The following TMEM132B variants were observed in gnomAD, a reference collection of about 807,000 sequenced individuals.
TMEM132B encodes the protein transmembrane protein 132B.
TMEM132B carries 18 observed loss-of-function variants against 90.8 expected under a neutral mutation model. The observed-to-expected ratio is 0.20, with a 90% confidence interval of 0.14 to 0.29. The LOEUF is 0.29. Ranked by LOEUF, TMEM132B falls within the 10% of genes least tolerant of loss-of-function variation. The probability of loss-of-function intolerance (pLI) is 1.00; values close to 1 mark genes in which losing one functional copy is unlikely to be tolerated. For synonymous variants in TMEM132B, 504 were observed against 523.3 expected (o/e 0.96, Z 0.50); for missense variants, 1,096 against 1,326.8 (o/e 0.83, Z 2.70).
chr12:125,285,270 G>A (rs1459827004), intron 1 of TMEM132B, among the ~76,000 whole-genome samples: 2 of 152,228 alleles, frequency 1.3e-5, no homozygotes, highest in Non-Finnish European at 2.9e-5. Flanking sequence ...GAGGTTGAGT[G>A]AGGGATTTCC....
At chr12:125,319,434 G>A (rs1876370877) in intron 1 of TMEM132B, among the ~76,000 whole-genome samples, 1 of 152,196 alleles carries the variant, frequency 6.6e-6, no homozygotes, top group African/African-American at 2.4e-5. Flanking sequence ...GCCCCAGGAG[G>A]ACTGGTTGGT....
At chr12:125,411,364 G>GT (rs1440994935) in intron 2 of TMEM132B, among the ~76,000 whole-genome samples, 4 of 110,960 alleles carry the variant, frequency 3.6e-5, no homozygotes, top group Non-Finnish European at 6.3e-5. Context: ...CTGTCAGAGG[G>GT]TGGGGGGGGG....
intron 4 of TMEM132B, among the ~76,000 whole-genome samples, chr12:125,530,644 T>C (rs1315229113): frequency 6.6e-6 from 1 of 151,794 alleles, no homozygotes; most frequent in African/African-American, 2.4e-5. Context: ...AGGGAAGGAG[T>C]CTTCCCTGCC....
intron 1 of TMEM132B, among the ~76,000 whole-genome samples, chr12:125,338,056 TTTAA>T: frequency 6.6e-6 from 1 of 152,348 alleles, no homozygotes; most frequent in South Asian, 2.1e-4. Flanking sequence ...TTTTTCACAT[TTTAA>T]TTGTTTTTAC....
chr12:125,535,151 A>G (rs768836355), intron 4 of TMEM132B, among the ~76,000 whole-genome samples: 1 of 152,246 alleles, frequency 6.6e-6, no homozygotes. Flanking sequence ...CAATGCTTCT[A>G]CTTAATATTA....
At chr12:125,198,701 A>G (rs1206581497) in intron 1 of TMEM132B, among the ~76,000 whole-genome samples, 1 of 152,216 alleles carries the variant, frequency 6.6e-6, no homozygotes, top group African/African-American at 2.4e-5. Flanking sequence ...GAAAATATGG[A>G]TGCTTGCATC....
intron 3 of TMEM132B, among the ~76,000 whole-genome samples, chr12:125,453,225 C>T (rs1253653777): frequency 6.6e-6 from 1 of 152,002 alleles, no homozygotes; most frequent in Non-Finnish European, 1.5e-5. Context: ...CATTTGGTGA[C>T]CTTTTTGTAG....
intron 3 of TMEM132B, among the ~76,000 whole-genome samples, chr12:125,435,178 G>A (rs1400330045): frequency 6.6e-6 from 1 of 152,162 alleles, no homozygotes; most frequent in Non-Finnish European, 1.5e-5. Flanking sequence ...GGACTGAAAT[G>A]TGTGACCGTG....
At chr12:125,359,889 C>T (rs1877905212) in intron 2 of TMEM132B, among the ~76,000 whole-genome samples, 1 of 152,180 alleles carries the variant, frequency 6.6e-6, no homozygotes, top group Non-Finnish European at 1.5e-5. Flanking sequence ...ACCATCCTGG[C>T]CAACATGGTG....
At chr12:125,602,978 C>T (rs1338317672) in intron 5 of TMEM132B, among the ~76,000 whole-genome samples, 2 of 152,124 alleles carry the variant, frequency 1.3e-5, no homozygotes, top group African/African-American at 2.4e-5. Context: ...AAGGGAAAAA[C>T]ATTTCATCCT....
At chr12:125,334,610 A>G (rs1876894312) in intron 1 of TMEM132B, among the ~76,000 whole-genome samples, 1 of 152,226 alleles carries the variant, frequency 6.6e-6, no homozygotes, top group Non-Finnish European at 1.5e-5. Flanking sequence ...CGGAGCTGTC[A>G]GTGCCCCTGT....
intron 5 of TMEM132B, among the ~76,000 whole-genome samples, chr12:125,591,016 C>T (rs1885304082): frequency 6.6e-6 from 1 of 151,310 alleles, no homozygotes; most frequent in African/African-American, 2.5e-5. Flanking sequence ...CGCATGCACG[C>T]CCGCGTGTGT....
At chr12:125,323,856 A>C (rs1036887258) in intron 1 of TMEM132B, among the ~76,000 whole-genome samples, 1 of 152,196 alleles carries the variant, frequency 6.6e-6, no homozygotes, top group African/African-American at 2.4e-5. Context: ...GTGCCTACCT[A>C]CCTCATAGAG....
At chr12:125,575,184 A>G (rs1051063368) in intron 4 of TMEM132B, among the ~76,000 whole-genome samples, 1 of 149,420 alleles carries the variant, frequency 6.7e-6, no homozygotes, top group African/African-American at 2.4e-5. Flanking sequence ...CACCCCACAG[A>G]CAATGTATGA....
chr12:125,501,277 A>G (rs748807173), intron 3 of TMEM132B, among the ~76,000 whole-genome samples: 3 of 152,270 alleles, frequency 2.0e-5, no homozygotes, highest in Non-Finnish European at 4.4e-5. Flanking sequence ...TCTATGCAAT[A>G]CTGTTCTCTG....
chr12:125,644,218 A>G lies in TMEM132B; in HGVS notation c.1580A>G (p.Glu527Gly). The change falls in exon 6 of 9, where the codon GAG becomes GGG. Residue 527 changes from glutamate to glycine, a missense_variant. Glu to Gly is a moderately conservative substitution (Grantham distance 98, BLOSUM62 -2). Coordinates refer to ENST00000682704, the MANE Select transcript of TMEM132B (RefSeq NM_001366854.1). ...VWAPRLPLQI[E>G]ISDTELSQIK... ...GCACCCAGGCTCCCCCTGCAGATTGAGATCTCAGACACCGAGCTGAGCCAG... is the reference window on the plus strand; with the variant it reads ...GCACCCAGGCTCCCCCTGCAGATTGGGATCTCAGACACCGAGCTGAGCCAG... 6.2e-7 allele frequency: 1 copy of G among 1,614,194 alleles called. No homozygotes were observed.
intron 5 of TMEM132B, among the ~76,000 whole-genome samples, chr12:125,630,859 C>T (rs1162295116): frequency 1.3e-5 from 2 of 152,090 alleles, no homozygotes; most frequent in East Asian, 1.9e-4. Flanking sequence ...TCTCTTCCTG[C>T]GTTAGTTTGG....
intron 4 of TMEM132B, among the ~76,000 whole-genome samples, chr12:125,574,657 G>A (rs988325744): frequency 2.0e-5 from 3 of 152,088 alleles, no homozygotes; most frequent in East Asian, 3.8e-4. Flanking sequence ...TCCTTCTCAT[G>A]GACATAGAGT....
rs1273654609 is a variant in TMEM132B, at chr12:125,658,420, G to C, written c.*3710G>C. 1 of 152,204 alleles carries C rather than the reference G, an allele frequency of 6.6e-6. No individual in the cohort carries two copies. The highest frequency in any genetic ancestry group is 1.5e-5 in the Non-Finnish European group (1 of 68,038). 9.4% of individuals were successfully genotyped at this position (152,204 alleles called of 1,614,324 possible). A position where few individuals can be genotyped will look rare whatever the true frequency, so the allele number is the denominator to read the frequency against. On this transcript the variant is annotated 3_prime_UTR_variant, in exon 9 of 9. Coordinates refer to ENST00000682704, the MANE Select transcript of TMEM132B (RefSeq NM_001366854.1). ...GTTCAGTCTCACAGCAAGGACCACA[G>C]AGCGTGGTTTCATCTGAACCCTACA...
Sources: allele counts gnomAD v4.1 joint callset (sites outside exome capture counted in the v4.1 genomes callset), GRCh38; gene constraint gnomAD v4.1.1; transcripts MANE v1.5; gene names NCBI Gene and HGNC (gene_info 2026-07-23, HGNC 2026-07-21).